IL16: variants seen among roughly 807,000 people sequenced by gnomAD.
IL16 encodes the protein interleukin 16.
In IL16, 67 loss-of-function variants were observed where a neutral mutation model predicts 110.1. The observed-to-expected ratio is 0.61, with a 90% CI of 0.50 to 0.75. IL16 has a LOEUF of 0.75. Ranked by LOEUF, IL16 falls within the 30% of genes least tolerant of loss-of-function variation. The probability of loss-of-function intolerance (pLI) is 0.00; values close to 1 mark genes in which losing one functional copy is unlikely to be tolerated. For synonymous variants in IL16, 689 were observed against 662.9 expected, an observed-to-expected ratio of 1.04 and a Z score of -0.61; for missense variants, 1,545 against 1,655.0, an observed-to-expected ratio of 0.93 and a Z score of 1.15.
chr15:81,182,882 C>T (rs57373048), exon 1 of IL16: 53,668 of 1,288,952 alleles, frequency 0.042, 1,956 homozygotes, highest in East Asian at 0.25. Flanking sequence ...AGAGTCTTCC[C>T]GAGAAGGCAG....
intron 1 of IL16, among the ~76,000 whole-genome samples, chr15:81,213,178 C>T (rs1896310026): frequency 6.6e-6 from 1 of 152,170 alleles, no homozygotes; most frequent in East Asian, 1.9e-4. Context: ...GTTTAATTTC[C>T]ATGCATTTAT....
intron 15 of IL16, 76 bp downstream of exon 15, chr15:81,301,588 G>A (rs893672816): frequency 9.6e-6 from 13 of 1,359,944 alleles, no homozygotes; most frequent in Middle Eastern, 2.1e-4. Flanking sequence ...TGGGCCAGAG[G>A]GGAAGTAGCT....
chr15:81,209,374 A>G (rs1253072395), intron 1 of IL16, among the ~76,000 whole-genome samples: 2 of 152,092 alleles, frequency 1.3e-5, no homozygotes, highest in Non-Finnish European at 2.9e-5. Flanking sequence ...GCAGAGGGAT[A>G]TGGGCTCGCA....
At chr15:81,219,539 T>C (rs1896546006) in intron 1 of IL16, among the ~76,000 whole-genome samples, 1 of 152,198 alleles carries the variant, frequency 6.6e-6, no homozygotes, top group Non-Finnish European at 1.5e-5. Flanking sequence ...GAGGCCCACC[T>C]GATGCCCCGC....
chr15:81,226,251 A>G (rs748761803), intron 2 of IL16, among the ~76,000 whole-genome samples: 8 of 152,204 alleles, frequency 5.3e-5, no homozygotes, highest in South Asian at 2.1e-4. Context: ...GGAGCCATCA[A>G]TAGGGGAGGG....
chr15:81,275,754 C>T (rs1898882065), intron 6 of IL16, among the ~76,000 whole-genome samples: 2 of 152,124 alleles, frequency 1.3e-5, no homozygotes, highest in South Asian at 4.1e-4. Flanking sequence ...AAACATTGAC[C>T]AAATCATCTT....
Position 81,225,426 on chromosome 15 carries a change from G to C in IL16, c.27G>C (p.Lys9Asn), listed in dbSNP as rs753406289. 3 of 1,614,134 alleles carry C rather than the reference G, an allele frequency of 1.9e-6. No homozygotes were observed. Among genetic ancestry groups the C allele is most frequent in the South Asian group, 2.2e-5 (2 of 91,086 alleles). MESHSRAGKSRKSAKFRSI... is the reference protein window; with the variant it reads MESHSRAGNSRKSAKFRSI... The stretch of plus-strand genomic sequence containing the variant: ...TGGAGTCGCACAGCCGCGCTGGAAA[G>C]AGCAGAAAATCTGCAAAATTTCGGT... The change falls in exon 2 of 19, where the codon AAG becomes AAC. Residue 9 changes from lysine to asparagine, a missense_variant. Lys to Asn is a moderately conservative substitution (Grantham distance 94). Around this residue, in one of 3 missense-constraint regions of IL16, gnomAD observed 1,185 missense variants for 1,238.8 expected, o/e 0.96. Coordinates refer to ENST00000683961, the MANE Select transcript of IL16 (RefSeq NM_172217.5).
At chr15:81,220,811 AT>A (rs1896589124) in intron 1 of IL16, among the ~76,000 whole-genome samples, 1 of 150,202 alleles carries the variant, frequency 6.7e-6, no homozygotes, top group Non-Finnish European at 1.5e-5. Context: ...AAAAAAAAAA[AT>A]GAAAAGGAAG....
chr15:81,240,675 C>G (rs76457646), intron 2 of IL16, among the ~76,000 whole-genome samples: 2 of 152,108 alleles, frequency 1.3e-5, no homozygotes, highest in East Asian at 3.9e-4. Context: ...CTCATTCAAA[C>G]CTTTTTCTAT....
chr15:81,273,108 G>C lies in IL16; in HGVS notation c.694G>C (p.Val232Leu). ...GQAKGLGFSI[V>L]GGKDSIYGPI... ...TCCCCAGGGTCTGGGCTTCAGCATC[G>C]TTGGGGGAAAAGACAGCATTTATGG... is the stretch of plus-strand genomic sequence containing the variant. Residue 232 changes from valine to leucine, a missense_variant, in exon 6 of 19, where the codon GTT (valine) becomes CTT (leucine). By Grantham distance (32) the Val-to-Leu change is conservative. Transcript: ENST00000683961. 6.2e-7 allele frequency: 1 copy of C among 1,613,248 alleles called. No homozygotes were observed. Among genetic ancestry groups the C allele is most frequent in the Non-Finnish European group, 8.5e-7 (1 of 1,179,448 alleles).
intron 2 of IL16, among the ~76,000 whole-genome samples, chr15:81,246,718 T>C (rs1897563433): frequency 6.6e-6 from 1 of 152,212 alleles, no homozygotes; most frequent in South Asian, 2.1e-4. Context: ...ATGTGAGGTG[T>C]GGTTTCTCAT....
chr15:81,250,878 C>G (rs1417913356), intron 2 of IL16, among the ~76,000 whole-genome samples: 1 of 152,132 alleles, frequency 6.6e-6, no homozygotes, highest in Non-Finnish European at 1.5e-5. Context: ...AAGATATAAT[C>G]CTTTGGGGCT....
At chr15:81,280,861 T>A (rs543804783) in intron 8 of IL16, among the ~76,000 whole-genome samples, 1 of 152,184 alleles carries the variant, frequency 6.6e-6, no homozygotes, top group Non-Finnish European at 1.5e-5. Context: ...GCTCCCGCAG[T>A]GCATTTGCTG....
intron 8 of IL16, among the ~76,000 whole-genome samples, chr15:81,281,257 G>A (rs1214926490): frequency 6.6e-6 from 1 of 152,228 alleles, no homozygotes; most frequent in Non-Finnish European, 1.5e-5. Context: ...ATTTGCCAAA[G>A]TGCTCTGTAA....
rs28461996 is a variant in IL16 at position 81,223,196 on chromosome 15, T to C, written c.-101-2103T>C. Among the ~76,000 whole-genome samples, 788 of 152,190 alleles carry C rather than the reference T, an allele frequency of 5.2e-3. 4 individuals carry two copies. The highest frequency in any genetic ancestry group is 0.018 in the African/African-American group (761 of 41,518). ...GTAAAAGGCAGACCTGATACAACAGTTTCAGTGGCTGTAGGGAAAGGAAGC... is the reference window on the plus strand; with the variant it reads ...GTAAAAGGCAGACCTGATACAACAGCTTCAGTGGCTGTAGGGAAAGGAAGC... On this transcript the variant is annotated intron_variant, in intron 1 of 18. Transcript: ENST00000683961.
At chr15:81,229,087 G>A (rs1896886393) in intron 2 of IL16, among the ~76,000 whole-genome samples, 1 of 152,182 alleles carries the variant, frequency 6.6e-6, no homozygotes, top group African/African-American at 2.4e-5. Flanking sequence ...GAGGAATTAA[G>A]CACTTAATGA....
intron 3 of IL16, among the ~76,000 whole-genome samples, chr15:81,260,875 TTTAC>T (rs71676316): frequency 0.063 from 9,587 of 152,276 alleles, 980 homozygotes; most frequent in African/African-American, 0.21. Flanking sequence ...ATCATCAATT[TTTAC>T]TTATTCTAGC....
intron 1 of IL16, among the ~76,000 whole-genome samples, chr15:81,221,284 C>T (rs569401693): frequency 2.5e-4 from 38 of 152,120 alleles, no homozygotes; most frequent in Non-Finnish European, 4.9e-4. Context: ...GCTTCCCCCC[C>T]GGAATCCTCT....
intron 2 of IL16, among the ~76,000 whole-genome samples, chr15:81,250,325 A>G (rs768064110): frequency 4.0e-5 from 6 of 151,592 alleles, no homozygotes; most frequent in Non-Finnish European, 8.8e-5. Context: ...ATGAGCCACC[A>G]CTCCTGGCTA....
Sources: gnomAD v4.1 joint callset for allele counts (sites outside exome capture counted in the v4.1 genomes callset) on GRCh38, gnomAD v4.1.1 for gene constraint, gnomAD v4.1.1 regional missense constraint, MANE v1.5 for transcripts, NCBI Gene and HGNC (gene_info 2026-07-23, HGNC 2026-07-21) for gene names.